The following ARMC2 variants were observed in gnomAD, a reference collection of about 807,000 sequenced individuals.
ARMC2 encodes the protein armadillo repeat-containing protein 2.
In ARMC2, 67 loss-of-function variants were observed where a neutral mutation model predicts 90.3. The observed-to-expected ratio is 0.74, with a 90% CI of 0.61 to 0.91. The LOEUF (loss-of-function observed/expected upper bound fraction) is 0.91, where lower values mean the gene tolerates loss of function less well. Among genes scored for constraint, ARMC2 ranks in the 40% least tolerant of loss-of-function variants. The pLI is 0.00. For synonymous variants in ARMC2, 393 were observed against 393.0 expected (o/e 1.00, Z 0.00); for missense variants, 920 against 1,030.9 (o/e 0.89, Z 1.47).
chr6:109,039,262 C>T, the ARMC2 span, among the ~76,000 whole-genome samples: 18 of 152,162 alleles, frequency 1.2e-4, no homozygotes, highest in African/African-American at 3.6e-4. Flanking sequence ...TAAATTTTGC[C>T]TACTTCACAA....
chr6:108,935,222 C>A (rs1444269527), intron 11 of ARMC2, among the ~76,000 whole-genome samples: 1 of 152,082 alleles, frequency 6.6e-6, no homozygotes, highest in Non-Finnish European at 1.5e-5. Context: ...TTAGCTTTTA[C>A]CAAGAACAAA....
chr6:109,007,785 C>CTTT, the ARMC2 span, among the ~76,000 whole-genome samples: 5 of 103,346 alleles, frequency 4.8e-5, no homozygotes, highest in African/African-American at 6.9e-5. Context: ...AGTCCAGGTA[C>CTTT]TTTTTTTTTT....
intron 8 of ARMC2, among the ~76,000 whole-genome samples, chr6:108,910,655 C>T (rs981336382): frequency 2.0e-5 from 3 of 152,138 alleles, no homozygotes; most frequent in Non-Finnish European, 4.4e-5. Context: ...TATTCACAAT[C>T]GCTAAGATCT....
At chr6:109,047,409 C>T in the ARMC2 span, among the ~76,000 whole-genome samples, 4 of 136,024 alleles carry the variant, frequency 2.9e-5, no homozygotes, top group Admixed American at 1.4e-4. Context: ...TCTGCCCGGC[C>T]GCCCCTACTG....
intron 10 of ARMC2, among the ~76,000 whole-genome samples, chr6:108,921,227 C>T (rs1167472632): frequency 1.3e-5 from 2 of 152,088 alleles, no homozygotes; most frequent in African/African-American, 4.8e-5. Flanking sequence ...ACATACATAG[C>T]CACAACTAGA....
intron 12 of ARMC2, among the ~76,000 whole-genome samples, chr6:108,941,880 G>C (rs1240760018): frequency 6.6e-6 from 1 of 152,110 alleles, no homozygotes; most frequent in Non-Finnish European, 1.5e-5. Flanking sequence ...AAATGTTGTA[G>C]TTTTAAGTCA....
intron 8 of ARMC2, among the ~76,000 whole-genome samples, chr6:108,910,266 C>G (rs188118048): frequency 1.1e-3 from 164 of 152,204 alleles, no homozygotes; most frequent in Middle Eastern, 3.4e-3. Context: ...TAGTTCGAGA[C>G]CAGCCTGGGC....
At chr6:108,854,560 G>A in intron 2 of ARMC2, 75 bp downstream of exon 2, 5 of 1,416,882 alleles carry the variant, frequency 3.5e-6, no homozygotes, top group Non-Finnish European at 4.9e-6. Context: ...TTCTACTTAA[G>A]GTTAGCTTTT....
At chr6:108,994,698 CTTTTTTTTTTTT>C in the ARMC2 span, 2 of 292,748 alleles carry the variant, frequency 6.8e-6, no homozygotes, top group South Asian at 3.6e-5. Flanking sequence ...GAATTTATAT[CTTTTTTTTTTTT>C]TTTTTTTTTT....
chr6:108,917,751 G>A (rs1774120516), intron 10 of ARMC2, among the ~76,000 whole-genome samples: 2 of 152,138 alleles, frequency 1.3e-5, no homozygotes, highest in African/African-American at 2.4e-5. Flanking sequence ...GGGTTCAAGT[G>A]ATTCTCCTGT....
At chr6:108,940,974 T>C (rs933133996) in intron 12 of ARMC2, among the ~76,000 whole-genome samples, 1 of 152,024 alleles carries the variant, frequency 6.6e-6, no homozygotes, top group African/African-American at 2.4e-5. Context: ...AACAAAAAAT[T>C]AGCCGTGCGT....
Position 108,953,051 on chromosome 6 carries a change from GT to G in ARMC2, c.1620del (p.Phe540LeufsTer6). The G allele has an allele frequency of 6.2e-7, 1 of 1,611,332 alleles. No homozygotes were observed. The highest frequency in any genetic ancestry group is 8.5e-7 in the Non-Finnish European group (1 of 1,178,640). Reference protein sequence around the residue: ...QKKQDLVVRVVFILGNLTAKN... With the variant: ...QKKQDLVVRVXFILGNLTAKN... Reference sequence around the variant, plus strand: ...ATTGCAGGATTTAGTCGTCCGTGTTGTTTTTATTCTTGGCAACCTGACGGCA... The same window carrying G: ...ATTGCAGGATTTAGTCGTCCGTGTTGTTTTATTCTTGGCAACCTGACGGCA... On this transcript the variant is annotated frameshift_variant, in exon 13 of 18. Transcript: ENST00000392644. LOFTEE classifies it high-confidence loss of function.
the ARMC2 span, among the ~76,000 whole-genome samples, chr6:109,049,276 A>G: frequency 1.3e-5 from 2 of 152,244 alleles, no homozygotes; most frequent in Non-Finnish European, 2.9e-5. Context: ...AGCCAGGAAC[A>G]GAAAGTTAAA....
intron 12 of ARMC2, 47 bp downstream of exon 12, chr6:108,937,046 G>A: frequency 1.4e-6 from 2 of 1,421,172 alleles, no homozygotes; most frequent in Non-Finnish European, 1.9e-6. Context: ...TTACACTAAT[G>A]TGTTTGTGTA....
chr6:108,949,260 A>G (rs1045287505), intron 12 of ARMC2, among the ~76,000 whole-genome samples: 1 of 152,218 alleles, frequency 6.6e-6, no homozygotes, highest in Non-Finnish European at 1.5e-5. Context: ...CACTGTTATC[A>G]AATGTGCGAG....
At chr6:108,966,848 G>T (rs1190508927) in intron 17 of ARMC2, among the ~76,000 whole-genome samples, 1 of 152,204 alleles carries the variant, frequency 6.6e-6, no homozygotes, top group Non-Finnish European at 1.5e-5. Flanking sequence ...ATGAGGCTGA[G>T]AATCTGTGTT....
the ARMC2 span, among the ~76,000 whole-genome samples, chr6:108,994,798 G>T: frequency 1.3e-5 from 2 of 151,246 alleles, no homozygotes; most frequent in Non-Finnish European, 1.5e-5. Flanking sequence ...CACCTCCCAG[G>T]TTCACGCCAT....
At chr6:108,904,821 A>C (rs1404654326) in intron 8 of ARMC2, among the ~76,000 whole-genome samples, 1 of 152,176 alleles carries the variant, frequency 6.6e-6, no homozygotes, top group Non-Finnish European at 1.5e-5. Context: ...TGATTTAATA[A>C]ATAACTAAGT....
At chr6:109,025,263 G>A in the ARMC2 span, among the ~76,000 whole-genome samples, 4 of 151,838 alleles carry the variant, frequency 2.6e-5, no homozygotes, top group East Asian at 5.8e-4. Flanking sequence ...AACACAAGGT[G>A]GATCACACAT....
Sources: gnomAD v4.1 joint callset for allele counts (sites outside exome capture counted in the v4.1 genomes callset) on GRCh38, gnomAD v4.1.1 for gene constraint, MANE v1.5 for transcripts, NCBI Gene and HGNC (gene_info 2026-07-23, HGNC 2026-07-21) for gene names.